SOX5: variants seen among roughly 807,000 people sequenced by gnomAD.
SOX5 encodes transcription factor SOX-5.
Under a neutral mutation model 92.0 loss-of-function variants are expected in SOX5, and 9 were observed. That is an observed-to-expected ratio of 0.10 (90% CI 0.06 to 0.17). The LOEUF (loss-of-function observed/expected upper bound fraction) is 0.17. Among genes scored for constraint, SOX5 ranks in the 10% least tolerant of loss-of-function variants. The probability of loss-of-function intolerance (pLI) is 1.00; values close to 1 mark genes in which losing one functional copy is unlikely to be tolerated. For missense variants in SOX5, 642 were observed against 944.5 expected (o/e 0.68, Z 4.20); for synonymous variants, 344 against 336.3 (o/e 1.02, Z -0.25).
At chr12:24,436,458 A>T (rs2137118160) in intron 1 of SOX5, among the ~76,000 whole-genome samples, 1 of 152,376 alleles carries the variant, frequency 6.6e-6, no homozygotes, top group Middle Eastern at 3.4e-3. Context: ...CCAAAGCCTA[A>T]TCTAGAGCAA....
chr12:24,044,342 A>G (rs1311575398), intron 4 of SOX5, among the ~76,000 whole-genome samples: 1 of 152,216 alleles, frequency 6.6e-6, no homozygotes, highest in Non-Finnish European at 1.5e-5. Flanking sequence ...ATGTGCCACA[A>G]TAGAACTATG....
At chr12:24,554,257 T>C (rs1403858404) in intron 1 of SOX5, among the ~76,000 whole-genome samples, 14 of 152,162 alleles carry the variant, frequency 9.2e-5, no homozygotes. Flanking sequence ...AGAATGGGGA[T>C]GAGCCAGCAA....
At chr12:23,979,378 C>T (rs1444222984) in intron 4 of SOX5, among the ~76,000 whole-genome samples, 2 of 151,986 alleles carry the variant, frequency 1.3e-5, no homozygotes, top group African/African-American at 2.4e-5. Flanking sequence ...CGCCCACCAA[C>T]ATGCCCAGCT....
At chr12:23,797,198 A>G (rs2095579483) in intron 3 of SOX5, among the ~76,000 whole-genome samples, 1 of 151,968 alleles carries the variant, frequency 6.6e-6, no homozygotes, top group South Asian at 2.1e-4. Flanking sequence ...AAATAAGAGT[A>G]TCATTTATTT....
At chr12:23,888,888 A>T (rs2097099499) in intron 2 of SOX5, among the ~76,000 whole-genome samples, 1 of 152,186 alleles carries the variant, frequency 6.6e-6, no homozygotes, top group Non-Finnish European at 1.5e-5. Context: ...ACCTTGTTTC[A>T]ATTGAATTAG....
chr12:24,187,192 G>A (rs144842854), intron 4 of SOX5, among the ~76,000 whole-genome samples: 1 of 152,144 alleles, frequency 6.6e-6, no homozygotes, highest in East Asian at 1.9e-4. Flanking sequence ...CCAACAGAAA[G>A]ATAACTCCAG....
chr12:24,182,048 G>C (rs189785483), intron 4 of SOX5, among the ~76,000 whole-genome samples: 1 of 152,188 alleles, frequency 6.6e-6, no homozygotes, highest in Admixed American at 6.5e-5. Flanking sequence ...AAGTTCACAG[G>C]TTATAAAACA....
intron 1 of SOX5, among the ~76,000 whole-genome samples, chr12:24,464,822 G>C (rs1459251360): frequency 6.6e-6 from 1 of 152,162 alleles, no homozygotes; most frequent in Non-Finnish European, 1.5e-5. Context: ...ATAGTAAGAA[G>C]GGCTAGTAAT....
chr12:23,655,010 T>C (rs191575225), intron 7 of SOX5, among the ~76,000 whole-genome samples: 92 of 152,214 alleles, frequency 6.0e-4, no homozygotes, highest in Middle Eastern at 3.4e-3. Flanking sequence ...TAATGTAGCA[T>C]AGCAAATGAA....
At chr12:23,870,009 TTAAAA>T (rs1339944120) in intron 2 of SOX5, among the ~76,000 whole-genome samples, 2 of 152,134 alleles carry the variant, frequency 1.3e-5, no homozygotes, top group Admixed American at 1.3e-4. Context: ...ATTAGCTTAA[TTAAAA>T]TGAGTTCTCT....
At chr12:24,487,825 G>C (rs771462168) in intron 1 of SOX5, among the ~76,000 whole-genome samples, 4 of 152,090 alleles carry the variant, frequency 2.6e-5, no homozygotes, top group Non-Finnish European at 4.4e-5. Context: ...TCTACCATCA[G>C]GTTCATAGTA....
chr12:24,169,474 TA>T (rs1468871221), intron 4 of SOX5, among the ~76,000 whole-genome samples: 1 of 152,210 alleles, frequency 6.6e-6, no homozygotes, highest in Non-Finnish European at 1.5e-5. Flanking sequence ...GTGTTTTAAG[TA>T]AGTGATACTT....
At chr12:24,218,609 G>T (rs1319400167) in intron 3 of SOX5, among the ~76,000 whole-genome samples, 1 of 151,944 alleles carries the variant, frequency 6.6e-6, no homozygotes, top group African/African-American at 2.4e-5. Context: ...ATGAACACTT[G>T]GAATGAATGA....
At chr12:24,034,344 G>A (rs761007867) in intron 4 of SOX5, among the ~76,000 whole-genome samples, 4 of 151,916 alleles carry the variant, frequency 2.6e-5, no homozygotes, top group African/African-American at 4.8e-5. Flanking sequence ...TGGATGCCTC[G>A]CCCCTCCTCT....
chr12:23,914,708 A>T (rs1224938555), intron 1 of SOX5, among the ~76,000 whole-genome samples: 1 of 152,170 alleles, frequency 6.6e-6, no homozygotes, highest in African/African-American at 2.4e-5. Flanking sequence ...TAAATTCTGT[A>T]CTAGTAGTTC....
chr12:24,209,432 AT>A (rs1222365956), intron 4 of SOX5, among the ~76,000 whole-genome samples: 1 of 152,208 alleles, frequency 6.6e-6, no homozygotes, highest in Admixed American at 6.5e-5. Context: ...TTAGAATAAT[AT>A]TTTTTAGGAA....
chr12:23,578,144 A>AAAAAAAAAAAAAAAAAAAAAAAAAAG (rs1432589481), intron 9 of SOX5, among the ~76,000 whole-genome samples: 5 of 134,908 alleles, frequency 3.7e-5, no homozygotes, highest in Non-Finnish European at 6.5e-5. Flanking sequence ...AAAAAAAAAA[A>AAAAAAAAAAAAAAAAAAAAAAAAAAG]AAAAAACTAT....
intron 3 of SOX5, among the ~76,000 whole-genome samples, chr12:24,220,356 T>C (rs1369039106): frequency 6.6e-6 from 1 of 151,722 alleles, no homozygotes; most frequent in Non-Finnish European, 1.5e-5. Flanking sequence ...TTGTACTTTA[T>C]GTAACTAATG....
Position 23,966,110 on chromosome 12 carries a change from C to T in SOX5, c.-1-70086G>A, listed in dbSNP as rs143809947. ...ACATATTCAATCATTGAAATTGAGG[C>T]CTAGGATTGTAGGGCAAGATGATTG... On this transcript the variant is annotated intron_variant, in intron 4 of 4. Transcript: ENST00000446891. 3.3e-3 allele frequency among the ~76,000 whole-genome samples: 494 copies of T among 149,748 alleles called. 4 individuals are homozygous for T. The highest frequency in any genetic ancestry group is 0.011 in the African/African-American group (462 of 40,648).
Sources: allele counts gnomAD v4.1 joint callset (sites outside exome capture counted in the v4.1 genomes callset), GRCh38; gene constraint gnomAD v4.1.1; transcripts MANE v1.5; gene names NCBI Gene and HGNC (gene_info 2026-07-23, HGNC 2026-07-21).